Variants in NLRC5 observed in about 807,000 individuals in gnomAD.
NLRC5 encodes the protein NLR family CARD domain containing 5.
A neutral mutation model predicts 206.9 loss-of-function variants in NLRC5; 114 were observed. That is an observed-to-expected ratio of 0.55 (90% CI 0.47 to 0.64). The LOEUF (loss-of-function observed/expected upper bound fraction) is 0.64. Among genes scored for constraint, NLRC5 ranks in the 30% least tolerant of loss-of-function variants. The pLI, the probability that NLRC5 is intolerant of heterozygous loss-of-function variation, is 0.00. For synonymous variants in NLRC5, 952 were observed against 962.8 expected (o/e 0.99, Z 0.21); for missense variants, 2,008 against 2,305.5 (o/e 0.87, Z 2.64).
At chr16:57,036,243 C>A in intron 14 of NLRC5, 60 bp downstream of exon 14, 1 of 1,508,804 alleles carries the variant, frequency 6.6e-7, no homozygotes, top group East Asian at 2.3e-5. Context: ...CCAGGAGGTC[C>A]CCGTGTTCGT....
At chr16:57,018,448 G>A (rs1325038342) in intron 2 of NLRC5, among the ~76,000 whole-genome samples, 1 of 152,202 alleles carries the variant, frequency 6.6e-6, no homozygotes, top group Non-Finnish European at 1.5e-5. Context: ...GGTGATCCCT[G>A]CCTGAGGATC....
chr16:57,017,614 C>T (rs2060224312), intron 2 of NLRC5, among the ~76,000 whole-genome samples: 1 of 152,094 alleles, frequency 6.6e-6, no homozygotes, highest in African/African-American at 2.4e-5. Flanking sequence ...TCCTGTCTCC[C>T]ACACTCAGGC....
At chr16:57,024,280 C>T (rs149636447) in intron 5 of NLRC5, among the ~76,000 whole-genome samples, 46 of 152,278 alleles carry the variant, frequency 3.0e-4, no homozygotes, top group Non-Finnish European at 5.3e-4. Context: ...CATGGGGAGA[C>T]ATGGAGCTGC....
rs2060045130 is a variant in NLRC5, at chr16:57,015,945, A to AAAG, written c.-127-1127_-127-1126insGAA. ...CATCTCAAAAAAAAAAAAAAAAAAAAAAAGAAAGAAAAGAAAAGAAGCACT... is the reference window on the plus strand; with the variant it reads ...CATCTCAAAAAAAAAAAAAAAAAAAAAAGAAAGAAAGAAAAGAAAAGAAGCACT... On this transcript the variant is annotated intron_variant, in intron 1 of 48. Coordinates refer to ENST00000688547, the MANE Select transcript of NLRC5 (RefSeq NM_001384950.1). Among the ~76,000 whole-genome samples the AAAG allele has an allele frequency of 1.6e-4, 9 of 55,656 alleles. 1 individual carries two copies. The East Asian group carries it at 2.3e-3, about 14-fold the overall frequency. 36.5% of individuals were successfully genotyped at this position (55,656 alleles called of 152,430 possible).
intron 23 of NLRC5, 146 bp from the exon 24 acceptor site, chr16:57,051,392 C>T (rs532690815): frequency 1.8e-4 from 117 of 668,180 alleles, no homozygotes; most frequent in Middle Eastern, 1.7e-3. Context: ...TCCAGCCTCA[C>T]GGATAACCCA....
intron 22 of NLRC5, 108 bp downstream of exon 22, chr16:57,046,749 G>C: frequency 3.4e-6 from 3 of 886,704 alleles, no homozygotes; most frequent in Non-Finnish European, 5.2e-6. Flanking sequence ...AGAGGGAAGA[G>C]AGGGAGTTTA....
Position 57,041,867 on chromosome 16 carries a change from A to C in NLRC5, c.3030-115A>C. The C allele has an allele frequency of 1.4e-5, 10 of 722,010 alleles. No homozygotes were observed. In the South Asian group the frequency reaches 1.9e-4, roughly 14 times the overall value. The allele number at this position is 722,010 out of a possible 1,614,324, so 44.7% of individuals were successfully genotyped here. ...CAGATCTGCTGAGATCTGGCCTGGCAGCCCAGGGCTGTGTCCAGTTTCAGG... is the reference window on the plus strand; with the variant it reads ...CAGATCTGCTGAGATCTGGCCTGGCCGCCCAGGGCTGTGTCCAGTTTCAGG... On this transcript the variant is annotated intron_variant, in intron 18 of 48. Coordinates refer to ENST00000688547, the MANE Select transcript of NLRC5 (RefSeq NM_001384950.1).
chr16:57,008,372 T>C (rs1232641393), intron 1 of NLRC5, among the ~76,000 whole-genome samples: 1 of 152,268 alleles, frequency 6.6e-6, no homozygotes, highest in Middle Eastern at 3.2e-3. Context: ...ATTGAACATA[T>C]AGCTTTCTGG....
At chr16:57,069,328 G>A (rs539301510) in intron 36 of NLRC5, among the ~76,000 whole-genome samples, 24 of 152,168 alleles carry the variant, frequency 1.6e-4, no homozygotes, top group African/African-American at 5.5e-4. Context: ...TGGGAACAGT[G>A]GCTCAAGCTT....
chr16:56,991,933 T>C (rs193046634), intron 1 of NLRC5: 1 of 152,282 alleles, frequency 6.6e-6, no homozygotes, highest in African/African-American at 2.4e-5. Context: ...CAGATATAAC[T>C]GGTGAAGATG....
intron 8 of NLRC5, 71 bp from the exon 9 acceptor site, chr16:57,029,702 T>C: frequency 7.6e-7 from 1 of 1,313,784 alleles, no homozygotes. Flanking sequence ...GGCCATCCTG[T>C]CACTTGCTAA....
At position 57,076,887 on chromosome 16, in the gene NLRC5, G is replaced by C. The variant is rs775953454; in HGVS notation, c.4820G>C (p.Ser1607Thr). The change falls in exon 40 of 49, where the codon AGC becomes ACC. Residue 1607 changes from serine (S) to threonine (T), a missense_variant. Physicochemically the swap from Ser to Thr is moderately conservative, Grantham distance 58 (BLOSUM62 1). Transcript: ENST00000688547. ...HLSEALRAAT[S>T]LEELDLSHNQ... ...TCTGAGGCTCTCAGGGCTGCCACCA[G>C]CCTAGAGGAGCTGGAGTGAGTTGCC... 1.2e-6 allele frequency: 2 copies of C among 1,613,984 alleles called. No homozygotes were observed. The highest frequency in any genetic ancestry group is 1.1e-5 in the South Asian group (1 of 91,080).
chr16:57,040,608 A>G, intron 16 of NLRC5, 42 bp from the exon 17 acceptor site: 1 of 1,588,798 alleles, frequency 6.3e-7, no homozygotes, highest in East Asian at 2.2e-5. Context: ...GAGATGGCGG[A>G]CATGGCCTTT....
chr16:57,003,185 A>C (rs1181210932), intron 1 of NLRC5, among the ~76,000 whole-genome samples: 1 of 152,018 alleles, frequency 6.6e-6, no homozygotes, highest in Non-Finnish European at 1.5e-5. Context: ...TCAGCCTGGG[A>C]TTACAGGCGC....
rs143879553 is a variant in NLRC5, at chr16:57,028,275, T to G, written c.2160-27T>G. 70 of 1,608,612 alleles carry G rather than the reference T, an allele frequency of 4.4e-5. No individual in the cohort carries two copies. The Middle Eastern group carries it at 2.0e-3, about 46-fold the overall frequency. ...CCCGCCCTTTTCCCCTCCTCGTTCC[T>G]CCCCACCATCTTTGCTTACTCTGTA... On this transcript the variant is annotated intron_variant, in intron 7 of 48. Transcript: ENST00000688547.
intron 13 of NLRC5, among the ~76,000 whole-genome samples, chr16:57,035,212 CT>C (rs1247303567): frequency 6.6e-6 from 1 of 152,116 alleles, no homozygotes; most frequent in Non-Finnish European, 1.5e-5. Flanking sequence ...ACTGGTAGCG[CT>C]CAAAACTATC....
chr16:57,055,778 G>A (rs932654147), intron 27 of NLRC5, among the ~76,000 whole-genome samples: 1 of 152,184 alleles, frequency 6.6e-6, no homozygotes, highest in South Asian at 2.1e-4. Flanking sequence ...CCTCAAGTAT[G>A]TGCAAGCTCT....
At chr16:57,074,437 TG>T in intron 38 of NLRC5, 162 bp from the exon 39 acceptor site, 1 of 638,292 alleles carries the variant, frequency 1.6e-6, no homozygotes, top group Non-Finnish European at 2.9e-6. Context: ...AAACAGCATT[TG>T]GACCTCCCAG....
chr16:57,035,925 A>G (rs1331629010), intron 13 of NLRC5, among the ~76,000 whole-genome samples, 175 bp from the exon 14 acceptor site: 1 of 152,212 alleles, frequency 6.6e-6, no homozygotes, highest in Middle Eastern at 3.2e-3. Flanking sequence ...CAATAGTCAT[A>G]GAAGAACCTA....
Sources: allele counts gnomAD v4.1 joint callset (sites outside exome capture counted in the v4.1 genomes callset), GRCh38; gene constraint gnomAD v4.1.1; transcripts MANE v1.5; gene names NCBI Gene and HGNC (gene_info 2026-07-23, HGNC 2026-07-21).